NTM: variants seen among roughly 807,000 people sequenced by gnomAD.
NTM encodes neurotrimin, also known as IgLON family member 2.
NTM carries 13 observed loss-of-function variants against 42.1 expected under a neutral mutation model. The observed-to-expected ratio is 0.31, with a 90% CI of 0.20 to 0.49. NTM has a LOEUF of 0.49. Among genes scored for constraint, NTM ranks in the 20% least tolerant of loss-of-function variants. The pLI, the probability that NTM is intolerant of heterozygous loss-of-function variation, is 0.99. For missense variants in NTM, 373 were observed against 452.8 expected, an observed-to-expected ratio of 0.82 and a Z score of 1.60; for synonymous variants, 187 against 179.2, an observed-to-expected ratio of 1.04 and a Z score of -0.35.
intron 1 of NTM, among the ~76,000 whole-genome samples, chr11:131,901,181 A>G (rs11222834): frequency 0.19 from 28,790 of 152,144 alleles, 3,689 homozygotes; most frequent in African/African-American, 0.36. Context: ...TTTTAATAGA[A>G]GAGGAAAAGG....
chr11:131,866,489 C>T (rs985387188), intron 1 of NTM, among the ~76,000 whole-genome samples: 1 of 152,246 alleles, frequency 6.6e-6, no homozygotes, highest in African/African-American at 2.4e-5. Flanking sequence ...GTTGGCCATG[C>T]CTTCAGAGCT....
chr11:131,844,600 A>G (rs975701832), intron 1 of NTM, among the ~76,000 whole-genome samples: 4 of 150,652 alleles, frequency 2.7e-5, no homozygotes, highest in African/African-American at 9.8e-5. Context: ...CTGCCCATGA[A>G]CATGTTATAT....
intron 2 of NTM, among the ~76,000 whole-genome samples, chr11:131,973,390 C>T (rs1593298031): frequency 6.6e-6 from 1 of 152,330 alleles, no homozygotes; most frequent in East Asian, 1.9e-4. Flanking sequence ...TTCAGCCCCT[C>T]ACCATCCAAG....
chr11:132,051,000 G>A (rs1376408792), intron 2 of NTM, among the ~76,000 whole-genome samples: 1 of 152,188 alleles, frequency 6.6e-6, no homozygotes, highest in East Asian at 1.9e-4. Context: ...TGGTGGAAAG[G>A]ATGTCTTGGT....
intron 1 of NTM, among the ~76,000 whole-genome samples, chr11:131,607,060 G>A (rs2061031243): frequency 6.6e-6 from 1 of 152,210 alleles, no homozygotes; most frequent in Admixed American, 6.5e-5. Flanking sequence ...GAGTACCGCA[G>A]GATCTGTGTT....
intron 4 of NTM, among the ~76,000 whole-genome samples, chr11:132,293,109 G>A (rs2140026286): frequency 6.6e-6 from 1 of 152,214 alleles, no homozygotes; most frequent in South Asian, 2.1e-4. Flanking sequence ...TAGGAGTGAG[G>A]ATGCAGATGG....
intron 1 of NTM, among the ~76,000 whole-genome samples, chr11:131,806,401 G>A (rs2092483126): frequency 6.6e-6 from 1 of 152,118 alleles, no homozygotes; most frequent in Non-Finnish European, 1.5e-5. Context: ...GATATGAAAA[G>A]CTCATGTGAG....
rs78073467 is a variant in NTM at position 131,915,556 on chromosome 11, C to T, written c.167+3908C>T. 7.9e-3 allele frequency among the ~76,000 whole-genome samples: 1,205 copies of T among 152,258 alleles called. 10 individuals are homozygous for T. The highest frequency in any genetic ancestry group is 0.025 in the African/African-American group (1,047 of 41,544). On this transcript the variant is annotated intron_variant, in intron 2 of 8. Coordinates refer to ENST00000683400, the MANE Select transcript of NTM (RefSeq NM_001352005.2). ...ATCATTTTATTTTAAATTTCAACTA[C>T]GGTCAATCAGAAATGTATTGAGTGG...
In NTM at chr11:131,732,308, T is replaced by A. The variant is rs546775155; in HGVS notation, c.83-179256T>A. ...CATTCCTGCTCTATTTATCTAATTG[T>A]CCCTATTTTCTGTTCATCTTTATCA... On this transcript the variant is annotated intron_variant, in intron 1 of 8. Transcript: ENST00000683400. Among the ~76,000 whole-genome samples the A allele has an allele frequency of 7.2e-5, 11 of 152,332 alleles. No individual in the cohort carries two copies. The East Asian group carries it at 1.7e-3, about 24-fold the overall frequency.
intron 1 of NTM, among the ~76,000 whole-genome samples, chr11:131,572,132 C>T (rs1485436709): frequency 6.6e-6 from 1 of 152,108 alleles, no homozygotes; most frequent in African/African-American, 2.4e-5. Context: ...AGCCGGGTGC[C>T]CTCTCGCATG....
At chr11:131,850,381 TC>T (rs2045390610) in intron 1 of NTM, among the ~76,000 whole-genome samples, 1 of 152,152 alleles carries the variant, frequency 6.6e-6, no homozygotes, top group Admixed American at 6.5e-5. Context: ...TTCACTTGGC[TC>T]CAAGCTTAGC....
intron 1 of NTM, among the ~76,000 whole-genome samples, chr11:131,643,627 A>C (rs1288293077): frequency 6.6e-6 from 1 of 152,218 alleles, no homozygotes; most frequent in Non-Finnish European, 1.5e-5. Flanking sequence ...AGGGGAGTGC[A>C]GGACCCCTAG....
intron 3 of NTM, among the ~76,000 whole-genome samples, chr11:132,172,438 C>T (rs551204467): frequency 6.6e-5 from 10 of 152,288 alleles, no homozygotes; most frequent in African/African-American, 2.4e-4. Flanking sequence ...AAAATGTGTT[C>T]AGAACCTACA....
At chr11:131,683,854 C>T (rs77074180) in intron 1 of NTM, among the ~76,000 whole-genome samples, 3,502 of 152,220 alleles carry the variant, frequency 0.023, 64 homozygotes, top group Non-Finnish European at 0.031. Context: ...GCTGACTTCT[C>T]CCCGGGGTCT....
rs80284146 is a variant in NTM at position 131,787,807 on chromosome 11, A to G, written c.83-123757A>G. Among the ~76,000 whole-genome samples the G allele has an allele frequency of 3.7e-3, 557 of 152,366 alleles. 1 individual carries two copies. The highest frequency in any genetic ancestry group is 0.014 in the Middle Eastern group (4 of 294). On this transcript the variant is annotated intron_variant, in intron 1 of 8. Transcript: ENST00000683400. Reference sequence around the variant, plus strand: ...GTGAACCCTTCTGGTCCTCGTGCCTACTAAAAATGACAGGTGCTTAAGTTG... The same window carrying G: ...GTGAACCCTTCTGGTCCTCGTGCCTGCTAAAAATGACAGGTGCTTAAGTTG...
chr11:131,549,731 A>G (rs1300978866), intron 1 of NTM, among the ~76,000 whole-genome samples: 1 of 152,178 alleles, frequency 6.6e-6, no homozygotes, highest in Non-Finnish European at 1.5e-5. Flanking sequence ...ATTGTATTGG[A>G]GGTTATTCAA....
chr11:131,384,848 T>C (rs1300682360), intron 1 of NTM, among the ~76,000 whole-genome samples: 1 of 152,236 alleles, frequency 6.6e-6, no homozygotes, highest in East Asian at 1.9e-4. Context: ...TTAAATAACG[T>C]AATCTGTATC....
chr11:131,654,673 T>C (rs1482144600), intron 1 of NTM, among the ~76,000 whole-genome samples: 1 of 152,112 alleles, frequency 6.6e-6, no homozygotes, highest in Non-Finnish European at 1.5e-5. Flanking sequence ...GAGTGAGTTC[T>C]GGCTCTGTTA....
Position 131,628,819 on chromosome 11 carries a change from G to A in NTM, c.82+257931G>A, listed in dbSNP as rs377556580. Among the ~76,000 whole-genome samples, 4 of 152,352 alleles carry A rather than the reference G, an allele frequency of 2.6e-5. No individual in the cohort carries two copies. In the East Asian group the frequency reaches 5.8e-4, roughly 22 times the overall value. The stretch of plus-strand genomic sequence containing the variant: ...GTTCATGTTTTTAAAGACCGAAAGG[G>A]GGCCCTGAGGAACTGCTGCAGCTCT... On this transcript the variant is annotated intron_variant, in intron 1 of 8. Coordinates refer to ENST00000683400, the MANE Select transcript of NTM (RefSeq NM_001352005.2).
Sources: gnomAD v4.1 joint callset for allele counts (sites outside exome capture counted in the v4.1 genomes callset) on GRCh38, gnomAD v4.1.1 for gene constraint, MANE v1.5 for transcripts, NCBI Gene and HGNC (gene_info 2026-07-23, HGNC 2026-07-21) for gene names.